The following FBRSL1 variants were observed in gnomAD, a reference collection of about 807,000 sequenced individuals.
FBRSL1 encodes fibrosin like 1, also known as fibrosin-1-like protein.
In FBRSL1, 51 loss-of-function variants were observed where a neutral mutation model predicts 89.6. The observed-to-expected ratio is 0.57, with a 90% CI of 0.45 to 0.72. The LOEUF (loss-of-function observed/expected upper bound fraction) is 0.72. Ranked by LOEUF, FBRSL1 falls within the 30% of genes least tolerant of loss-of-function variation. FBRSL1 has a pLI of 0.00. For synonymous variants in FBRSL1, 779 were observed against 681.1 expected, an observed-to-expected ratio of 1.14 and a Z score of -2.24; for missense variants, 1,618 against 1,451.8, an observed-to-expected ratio of 1.11 and a Z score of -1.86.
intron 2 of FBRSL1, among the ~76,000 whole-genome samples, chr12:132,516,077 C>T (rs985933919): frequency 1.3e-5 from 2 of 151,670 alleles, no homozygotes; most frequent in Non-Finnish European, 2.9e-5. Flanking sequence ...ACTATAGACA[C>T]GAAAAAGGTG....
intron 5 of FBRSL1, among the ~76,000 whole-genome samples, chr12:132,561,760 C>T (rs970281762): frequency 6.6e-6 from 1 of 152,196 alleles, no homozygotes; most frequent in Non-Finnish European, 1.5e-5. Flanking sequence ...TGCAGCCCCT[C>T]AGATGAGGGG....
chr12:132,562,759 G>A (rs913132912), intron 5 of FBRSL1, among the ~76,000 whole-genome samples: 5 of 152,178 alleles, frequency 3.3e-5, no homozygotes, highest in East Asian at 1.9e-4. Flanking sequence ...TGGCAGGCCC[G>A]CCTCGGCTCT....
chr12:132,582,472 CTG>C (rs1341310821), intron 18 of FBRSL1, among the ~76,000 whole-genome samples: 1 of 149,738 alleles, frequency 6.7e-6, no homozygotes, highest in African/African-American at 2.5e-5. Flanking sequence ...CACTCACAGT[CTG>C]TCCAGCTCTG....
chr12:132,581,658 C>G (rs1419456979), intron 16 of FBRSL1, 83 bp from the exon 17 acceptor site: 1 of 1,495,464 alleles, frequency 6.7e-7, no homozygotes, highest in Non-Finnish European at 9.1e-7. Context: ...AGGCCCAAAG[C>G]CTCTACAGCA....
Position 132,583,058 on chromosome 12 carries a change from C to T in FBRSL1, c.2289C>T (p.Ala763=). 1 of 1,447,504 alleles carries T rather than the reference C, an allele frequency of 6.9e-7. No homozygotes were observed. Among genetic ancestry groups the T allele is most frequent in the Non-Finnish European group, 9.0e-7 (1 of 1,107,342 alleles). 89.7% of individuals were successfully genotyped at this position (1,447,504 alleles called of 1,614,324 possible). ...CCGTCAGCGGCCTCCTGCTCCGGGC[C>T]CAGAGCGAGCTGGGCCGGTCCGGGG... ...GHPVSGLLLR[A]QSELGRSGAP... The change falls in exon 19 of 19, where the codon GCC becomes GCT. Residue 763 remains alanine, a synonymous_variant. Coordinates refer to ENST00000680143, the MANE Select transcript of FBRSL1 (RefSeq NM_001367871.1).
At chr12:132,510,978 AGT>A (rs1232489729) in intron 2 of FBRSL1, 2 of 988,468 alleles carry the variant, frequency 2.0e-6, no homozygotes, top group African/African-American at 3.5e-5. Context: ...AGGGTGTGAG[AGT>A]GAGTGGCGTG....
At chr12:132,526,004 G>T (rs888580064) in intron 3 of FBRSL1, among the ~76,000 whole-genome samples, 181 bp downstream of exon 3, 1 of 152,276 alleles carries the variant, frequency 6.6e-6, no homozygotes. Context: ...CCAGGAAGCC[G>T]CTGGTTAGGG....
At chr12:132,556,994 C>G (rs1303357735) in intron 5 of FBRSL1, among the ~76,000 whole-genome samples, 1 of 152,236 alleles carries the variant, frequency 6.6e-6, no homozygotes, top group Non-Finnish European at 1.5e-5. Context: ...CTCGGCTAAC[C>G]ATGGCCGAAT....
intron 1 of FBRSL1, among the ~76,000 whole-genome samples, chr12:132,491,234 A>G (rs1555261754): frequency 6.6e-6 from 1 of 151,964 alleles, no homozygotes; most frequent in Non-Finnish European, 1.5e-5. Flanking sequence ...GATCTTAGGG[A>G]GGTGGTGATA....
At chr12:132,507,227 T>C in intron 1 of FBRSL1, 2 of 985,504 alleles carry the variant, frequency 2.0e-6, no homozygotes, top group Middle Eastern at 5.2e-4. Context: ...TGTCCTGGGC[T>C]TCACTGCTGC....
intron 16 of FBRSL1, 68 bp downstream of exon 16, chr12:132,581,584 A>T: frequency 6.5e-7 from 1 of 1,530,562 alleles, no homozygotes; most frequent in Non-Finnish European, 8.9e-7. Flanking sequence ...CGGGGGAATT[A>T]GGTGGGCGGG....
At chr12:132,536,933 T>C (rs1018501663) in intron 4 of FBRSL1, among the ~76,000 whole-genome samples, 2 of 152,238 alleles carry the variant, frequency 1.3e-5, no homozygotes, top group Non-Finnish European at 2.9e-5. Flanking sequence ...GTATATGTGA[T>C]CATGTTGTGC....
Position 132,583,108 on chromosome 12 carries a change from C to T in FBRSL1, c.2339C>T (p.Pro780Leu). 5 of 1,456,302 alleles carry T rather than the reference C, an allele frequency of 3.4e-6. No homozygotes were observed. The highest frequency in any genetic ancestry group is 1.8e-6 in the Non-Finnish European group (2 of 1,107,750). 90.2% of individuals were successfully genotyped at this position (1,456,302 alleles called of 1,614,324 possible). Residue 780 changes from proline (P) to leucine (L), a missense_variant, in exon 19 of 19, where the codon CCT becomes CTT. Physicochemically the swap from Pro to Leu is moderately conservative, Grantham distance 98. Transcript: ENST00000680143. Reference protein sequence around the residue: ...SGAPAEREAEPRVKESRSPAK... With the variant: ...SGAPAEREAELRVKESRSPAK... The stretch of plus-strand genomic sequence containing the variant: ...GCCCCCGCGGAGCGCGAGGCCGAAC[C>T]TCGGGTCAAGGAGAGCCGCTCCCCG...
chr12:132,558,274 G>C (rs925591225), intron 5 of FBRSL1, among the ~76,000 whole-genome samples: 1 of 152,182 alleles, frequency 6.6e-6, no homozygotes, highest in Non-Finnish European at 1.5e-5. Flanking sequence ...GAGTGTCCCT[G>C]CTGAGCCATG....
intron 2 of FBRSL1, among the ~76,000 whole-genome samples, chr12:132,521,873 C>T (rs2035389044): frequency 1.3e-5 from 2 of 152,184 alleles, no homozygotes; most frequent in African/African-American, 4.8e-5. Context: ...TTGGGTGCTC[C>T]ACTTTGGGCG....
rs568579299 is a variant in FBRSL1 at position 132,500,698 on chromosome 12, C to T, written c.292-7455C>T. Among the ~76,000 whole-genome samples the T allele has an allele frequency of 2.0e-5, 3 of 152,296 alleles. No individual in the cohort carries two copies. In the South Asian group the frequency reaches 6.2e-4, roughly 32 times the overall value. Reference sequence around the variant, plus strand: ...AGCCCATTCACACCCTTACAGGGATCCCAGGCCCTGCAGACTCCGTCCAGC... The same window carrying T: ...AGCCCATTCACACCCTTACAGGGATTCCAGGCCCTGCAGACTCCGTCCAGC... On this transcript the variant is annotated intron_variant, in intron 1 of 18. Transcript: ENST00000680143.
intron 2 of FBRSL1, chr12:132,511,310 C>T: frequency 4.1e-6 from 4 of 985,690 alleles, no homozygotes; most frequent in Non-Finnish European, 4.8e-6. Context: ...GGCTTCCCCA[C>T]AGTCCCCTGC....
chr12:132,527,378 G>A lies in FBRSL1; in HGVS notation c.580-575G>A, dbSNP rs571290913. On this transcript the variant is annotated intron_variant, in intron 3 of 18. Coordinates refer to ENST00000680143, the MANE Select transcript of FBRSL1 (RefSeq NM_001367871.1). ...AGGGCGTCCCTGTGGGAGCCTCCTC[G>A]GGTTTGGATCCCAGAGCTGCTGCAG... 4.4e-3 allele frequency among the ~76,000 whole-genome samples: 666 copies of A among 152,328 alleles called. 2 individuals carry two copies. The highest frequency in any genetic ancestry group is 7.0e-3 in the Non-Finnish European group (473 of 68,026).
intron 2 of FBRSL1, among the ~76,000 whole-genome samples, chr12:132,523,291 T>C (rs2035519576): frequency 6.6e-6 from 1 of 152,140 alleles, no homozygotes; most frequent in African/African-American, 2.4e-5. Flanking sequence ...AGGACACAGA[T>C]TCCCAGTTCT....
Sources: gnomAD v4.1 joint callset for allele counts (sites outside exome capture counted in the v4.1 genomes callset) on GRCh38, gnomAD v4.1.1 for gene constraint, MANE v1.5 for transcripts, NCBI Gene and HGNC (gene_info 2026-07-23, HGNC 2026-07-21) for gene names.